Variants in SLC4A1 observed in about 807,000 individuals in gnomAD.
The protein encoded by SLC4A1 is solute carrier family 4 member 1 (Diego blood group).
In SLC4A1, 29 loss-of-function variants were observed where a neutral mutation model predicts 93.1. That is an observed-to-expected ratio of 0.31 (90% CI 0.23 to 0.42). The LOEUF is 0.42. Ranked by LOEUF, SLC4A1 falls within the 20% of genes least tolerant of loss-of-function variation. The probability of loss-of-function intolerance (pLI) is 1.00; values close to 1 mark genes in which losing one functional copy is unlikely to be tolerated. For synonymous variants in SLC4A1, 469 were observed against 497.2 expected, an observed-to-expected ratio of 0.94 and a Z score of 0.76; for missense variants, 965 against 1,190.1, an observed-to-expected ratio of 0.81 and a Z score of 2.78.
chr17:44,264,425 T>C (rs2047478081), intron 1 of SLC4A1, among the ~76,000 whole-genome samples: 3 of 152,158 alleles, frequency 2.0e-5, no homozygotes, highest in Non-Finnish European at 4.4e-5. Flanking sequence ...ACCACTGCAC[T>C]CCAGCCTGGG....
chr17:44,255,538 G>A, intron 14 of SLC4A1, 135 bp downstream of exon 14: 2 of 978,764 alleles, frequency 2.0e-6, no homozygotes, highest in Non-Finnish European at 3.2e-6. Context: ...TAAGGATAGG[G>A]CCAGGGGAGG....
In SLC4A1 at chr17:44,257,439, C is replaced by T; in HGVS notation, c.1537G>A (p.Val513Ile). 1.9e-6 allele frequency: 3 copies of T among 1,614,010 alleles called. No homozygotes were observed. The highest frequency in any genetic ancestry group is 2.5e-6 in the Non-Finnish European group (3 of 1,180,022). ...TGGGTATAGCGGGAGATGAAGCGGA[C>T]CAGGAAGCTACCCTCGAAGGCCACC... Reference protein sequence around the residue: ...LVVAFEGSFLVRFISRYTQEI... With the variant: ...LVVAFEGSFLIRFISRYTQEI... The change falls in exon 13 of 20, where the codon GTC (valine) becomes ATC (isoleucine). Residue 513 changes from valine to isoleucine, a missense_variant. This residue lies in a region of SLC4A1 where 770 missense variants were observed against 1,006.6 expected (regional missense o/e 0.76). Coordinates refer to ENST00000262418, the MANE Select transcript of SLC4A1 (RefSeq NM_000342.4).
At chr17:44,256,887 A>G (rs566878797) in intron 13 of SLC4A1, among the ~76,000 whole-genome samples, 31 of 152,206 alleles carry the variant, frequency 2.0e-4, no homozygotes, top group Non-Finnish European at 3.4e-4. Flanking sequence ...ACACAGACAC[A>G]TATGTTGTCA....
At chr17:44,253,703 G>T (rs2047363545) in intron 16 of SLC4A1, among the ~76,000 whole-genome samples, 1 of 150,874 alleles carries the variant, frequency 6.6e-6, no homozygotes, top group Non-Finnish European at 1.5e-5. Context: ...CTAGAGTCTT[G>T]CTCTGTCGCC....
chr17:44,249,403 T>C lies in SLC4A1; in HGVS notation c.*1055A>G, dbSNP rs1417520743. The C allele has an allele frequency of 3.5e-6, 1 of 286,370 alleles. No individual in the cohort carries two copies. The highest frequency in any genetic ancestry group is 2.3e-5 in the African/African-American group (1 of 42,792). 17.7% of individuals were successfully genotyped at this position (286,370 alleles called of 1,614,324 possible). ...TGAAGTTGTGTGTGAAGCCAAACTATGTTGAAAACTCTTAGAAAATACGCA... is the reference window on the plus strand; with the variant it reads ...TGAAGTTGTGTGTGAAGCCAAACTACGTTGAAAACTCTTAGAAAATACGCA... On this transcript the variant is annotated 3_prime_UTR_variant, in exon 20 of 20. Coordinates refer to ENST00000262418, the MANE Select transcript of SLC4A1 (RefSeq NM_000342.4).
intron 14 of SLC4A1, 95 bp downstream of exon 14, chr17:44,255,578 A>T: frequency 1.6e-6 from 2 of 1,280,324 alleles, no homozygotes; most frequent in South Asian, 1.2e-5. Context: ...TCTGAAAAAG[A>T]AGGGAAGCTA....
intron 13 of SLC4A1, among the ~76,000 whole-genome samples, chr17:44,256,854 CACAG>C (rs1474585938): frequency 2.0e-5 from 3 of 152,328 alleles, no homozygotes; most frequent in African/African-American, 4.8e-5. Context: ...TGTGTGACTA[CACAG>C]ACATAGACAC....
intron 14 of SLC4A1, 89 bp from the exon 15 acceptor site, chr17:44,255,385 T>G: frequency 1.0e-6 from 1 of 997,418 alleles, no homozygotes; most frequent in Non-Finnish European, 1.5e-6. Context: ...CACGGGGCCC[T>G]GCTCTTCCAG....
chr17:44,254,464 C>G, intron 16 of SLC4A1, 32 bp downstream of exon 16: 3 of 1,350,394 alleles, frequency 2.2e-6, no homozygotes, highest in South Asian at 1.2e-5. Flanking sequence ...GCCTCCCACC[C>G]TCCCAGGCCC....
chr17:44,258,470 G>C lies in SLC4A1; in HGVS notation c.1030C>G (p.Arg344Gly). The change falls in exon 10 of 20, where the codon CGA (arginine) becomes GGA (glycine). Residue 344 changes from arginine to glycine, a missense_variant. Arg to Gly is a moderately radical substitution (Grantham distance 125, BLOSUM62 -2). Transcript: ENST00000262418. The surrounding 1 kb of genome is among the most constrained non-coding windows in gnomAD (Gnocchi z 6.1). Reference protein sequence around the residue: ...SLVPVQRELLRRRYQSSPAKP... With the variant: ...SLVPVQRELLGRRYQSSPAKP... ...GCAGGGCTGGACTGATAGCGCCTTC[G>C]AAGTAGCTCCCTCTGCACAGGCACC... 6.2e-7 allele frequency: 1 copy of C among 1,614,044 alleles called. No homozygotes were observed. Among genetic ancestry groups the C allele is most frequent in the Non-Finnish European group, 8.5e-7 (1 of 1,179,990 alleles).
chr17:44,254,595 A>C lies in SLC4A1; in HGVS notation c.1958T>G (p.Leu653Arg). Residue 653 changes from leucine (L) to arginine (R), a missense_variant, in exon 16 of 20, where the codon CTG becomes CGG. This residue lies in a region of SLC4A1 where 770 missense variants were observed against 1,006.6 expected (regional missense o/e 0.76). Transcript: ENST00000262418. ...SSARGWVIHP[L>R]GLRSEFPIWM... ...GATGGGAAACTCGGAACGCAAGCCCAGTGGGTGGATGACCCAGCCCCGGGC... is the reference window on the plus strand; with the variant it reads ...GATGGGAAACTCGGAACGCAAGCCCCGTGGGTGGATGACCCAGCCCCGGGC... The C allele has an allele frequency of 6.2e-7, 1 of 1,614,114 alleles. No homozygotes were observed. Among genetic ancestry groups the C allele is most frequent in the South Asian group, 1.1e-5 (1 of 91,080 alleles).
At chr17:44,256,692 C>G (rs1378042467) in intron 13 of SLC4A1, among the ~76,000 whole-genome samples, 3 of 152,224 alleles carry the variant, frequency 2.0e-5, no homozygotes, top group Admixed American at 6.5e-5. Context: ...CATGCCCATA[C>G]CTACCCATTG....
chr17:44,259,392 G>A (rs375865240), intron 8 of SLC4A1, 48 bp from the exon 9 acceptor site: 17 of 1,610,426 alleles, frequency 1.1e-5, no homozygotes, highest in African/African-American at 8.0e-5. Context: ...CCCAGGGTGG[G>A]TGTGCTGAAG....
Position 44,259,347 on chromosome 17 carries a change from G to T in SLC4A1, c.695-3C>A, listed in dbSNP as rs772264078. On this transcript the variant is annotated splice_polypyrimidine_tract_variant and splice_region_variant and intron_variant, in intron 8 of 19. Transcript: ENST00000262418. ...CTGCTCCAGGAAGTCGGCGCGGCCT[G>T]TTAGGGGATGAGAAGATCAGGCCAG... The T allele has an allele frequency of 1.2e-5, 20 of 1,613,274 alleles. No individual in the cohort carries two copies. Among genetic ancestry groups the T allele is most frequent in the Non-Finnish European group, 1.7e-5 (20 of 1,179,784 alleles).
chr17:44,262,021 T>C, intron 3 of SLC4A1: 1 of 1,184,348 alleles, frequency 8.4e-7, no homozygotes, highest in Non-Finnish European at 1.1e-6. Context: ...CCTTCTCTCC[T>C]CCCACCTGCC....
intron 1 of SLC4A1, among the ~76,000 whole-genome samples, chr17:44,265,842 G>A (rs914083095): frequency 6.6e-6 from 1 of 152,094 alleles, no homozygotes; most frequent in African/African-American, 2.4e-5. Flanking sequence ...TTAGCCAGGC[G>A]TGGTGGCGCA....
At chr17:44,264,353 G>A (rs1239643107) in intron 1 of SLC4A1, among the ~76,000 whole-genome samples, 2 of 152,182 alleles carry the variant, frequency 1.3e-5, no homozygotes, top group African/African-American at 4.8e-5. Flanking sequence ...AGCTACTTGA[G>A]AGGCTGAGGT....
rs121912758 is a variant in SLC4A1, at chr17:44,254,617, G to A, written c.1936C>T (p.Arg646Trp). Reference protein sequence around the residue: ...DGFKVSNSSARGWVIHPLGLR... With the variant: ...DGFKVSNSSAWGWVIHPLGLR... ...CCCAGTGGGTGGATGACCCAGCCCCGGGCTGAGGAGTTGGACACCTTGAAG... is the reference window on the plus strand; with the variant it reads ...CCCAGTGGGTGGATGACCCAGCCCCAGGCTGAGGAGTTGGACACCTTGAAG... The change falls in exon 16 of 20, where the codon CGG (arginine) becomes TGG (tryptophan). Residue 646 changes from arginine to tryptophan, a missense_variant. By Grantham distance (101) the Arg-to-Trp change is moderately radical. This residue lies in a region of SLC4A1 where 770 missense variants were observed against 1,006.6 expected (regional missense o/e 0.76). Coordinates refer to ENST00000262418, the MANE Select transcript of SLC4A1 (RefSeq NM_000342.4). 17 of 1,614,020 alleles carry A rather than the reference G, an allele frequency of 1.1e-5. No homozygotes were observed. Among genetic ancestry groups the A allele is most frequent in the East Asian group, 2.2e-5 (1 of 44,898 alleles).
intron 13 of SLC4A1, among the ~76,000 whole-genome samples, chr17:44,256,409 T>G (rs951081929): frequency 3.3e-5 from 5 of 152,062 alleles, no homozygotes; most frequent in African/African-American, 1.2e-4. Flanking sequence ...TCAGGGAAGT[T>G]TCTAACAAGG....
Sources: allele counts gnomAD v4.1 joint callset (sites outside exome capture counted in the v4.1 genomes callset), GRCh38; gene constraint gnomAD v4.1.1; regional missense constraint gnomAD v4.1.1; non-coding constraint Gnocchi (gnomAD v3.1); transcripts MANE v1.5; gene names NCBI Gene and HGNC (gene_info 2026-07-23, HGNC 2026-07-21).